The following MCC variants were observed in gnomAD, a reference collection of about 807,000 sequenced individuals.
MCC encodes the protein MCC regulator of Wnt signaling pathway.
Under a neutral mutation model 116.2 loss-of-function variants are expected in MCC, and 90 were observed. That is an observed-to-expected ratio of 0.77 (90% confidence interval 0.65 to 0.92). MCC has a LOEUF of 0.92. Ranked by LOEUF, MCC falls within the 40% of genes least tolerant of loss-of-function variation. The pLI is 0.00. For missense variants in MCC, 1,516 were observed against 1,312.2 expected, an observed-to-expected ratio of 1.16 and a Z score of -2.40; for synonymous variants, 578 against 510.5, an observed-to-expected ratio of 1.13 and a Z score of -1.78.
intron 8 of MCC, among the ~76,000 whole-genome samples, chr5:113,097,438 A>C (rs10063834): frequency 0.46 from 69,219 of 151,948 alleles, 17,315 homozygotes; most frequent in African/African-American, 0.68. Flanking sequence ...ACATATTACC[A>C]TTATGATGTT....
chr5:113,070,092 C>G (rs6861166), intron 12 of MCC, among the ~76,000 whole-genome samples: 51,816 of 152,064 alleles, frequency 0.34, 8,836 homozygotes, highest in Middle Eastern at 0.39. Context: ...CCAGCTTCAA[C>G]GGTTATCACA....
chr5:113,182,149 T>C (rs1368050464), intron 3 of MCC, among the ~76,000 whole-genome samples: 1 of 152,196 alleles, frequency 6.6e-6, no homozygotes, highest in Admixed American at 6.5e-5. Flanking sequence ...TTAAGGGTGA[T>C]TTCACCCCCA....
intron 1 of MCC, among the ~76,000 whole-genome samples, chr5:113,487,368 G>A (rs903790211): frequency 6.6e-6 from 1 of 152,178 alleles, no homozygotes; most frequent in African/African-American, 2.4e-5. Context: ...TCAATGGCCG[G>A]TGTCAACCAT....
intron 3 of MCC, among the ~76,000 whole-genome samples, chr5:113,253,896 G>T (rs1195651758): frequency 2.0e-5 from 3 of 152,044 alleles, no homozygotes; most frequent in Non-Finnish European, 2.9e-5. Context: ...AATGATAAAA[G>T]AATGATGAAA....
intron 14 of MCC, among the ~76,000 whole-genome samples, chr5:113,055,268 G>A (rs987876988): frequency 2.0e-5 from 3 of 152,102 alleles, no homozygotes; most frequent in East Asian, 1.9e-4. Context: ...TATACCAGGG[G>A]CCACGAGTGA....
intron 3 of MCC, among the ~76,000 whole-genome samples, chr5:113,298,557 G>C (rs1766768390): frequency 1.3e-5 from 2 of 152,174 alleles, no homozygotes; most frequent in South Asian, 4.2e-4. Context: ...ATGTTGAATA[G>C]AGAGTAGAAT....
intron 17 of MCC, among the ~76,000 whole-genome samples, chr5:113,032,159 C>T (rs548632731): frequency 6.6e-6 from 1 of 152,134 alleles, no homozygotes; most frequent in African/African-American, 2.4e-5. Context: ...GCCTGTAATC[C>T]CAGCACTTTG....
At chr5:113,423,522 G>A (rs1184111581) in intron 1 of MCC, among the ~76,000 whole-genome samples, 1 of 152,174 alleles carries the variant, frequency 6.6e-6, no homozygotes, top group African/African-American at 2.4e-5. Context: ...TGTGAATAAT[G>A]AGAATTAACT....
At chr5:113,470,317 T>C (rs1580418021) in intron 1 of MCC, among the ~76,000 whole-genome samples, 1 of 152,156 alleles carries the variant, frequency 6.6e-6, no homozygotes, top group Non-Finnish European at 1.5e-5. Context: ...CAGTGGCTGG[T>C]ACCAGTTGTT....
chr5:113,259,754 T>C (rs973447662), intron 3 of MCC, among the ~76,000 whole-genome samples: 1 of 152,088 alleles, frequency 6.6e-6, no homozygotes, highest in Non-Finnish European at 1.5e-5. Flanking sequence ...GTTATTTATA[T>C]ACTACTGCTC....
chr5:113,306,761 C>T (rs1490111445), intron 3 of MCC, among the ~76,000 whole-genome samples: 1 of 151,774 alleles, frequency 6.6e-6, no homozygotes, highest in African/African-American at 2.4e-5. Context: ...ATTGCTTATG[C>T]TTTTGGTGCC....
chr5:113,414,144 T>C (rs1303483346), intron 1 of MCC, among the ~76,000 whole-genome samples: 4 of 152,234 alleles, frequency 2.6e-5, no homozygotes, highest in Non-Finnish European at 4.4e-5. Flanking sequence ...AGACAGTTTG[T>C]TGTGATTTCT....
Position 113,146,456 on chromosome 5 carries a change from C to T in MCC, c.742-3096G>A, listed in dbSNP as rs145601875. Among the ~76,000 whole-genome samples the T allele has an allele frequency of 6.4e-3, 964 of 151,376 alleles. 4 individuals are homozygous for T. Among genetic ancestry groups the T allele is most frequent in the Non-Finnish European group, 0.01 (680 of 67,884 alleles). Reference sequence around the variant, plus strand: ...TCTTGGCTGGTGCCTTGGTCTCAGACCCTGAAACGCCTCTGTGAACTCTAG... The same window carrying T: ...TCTTGGCTGGTGCCTTGGTCTCAGATCCTGAAACGCCTCTGTGAACTCTAG... On this transcript the variant is annotated intron_variant, in intron 4 of 18. Transcript: ENST00000408903.
chr5:113,176,350 A>G (rs766712590), intron 3 of MCC, among the ~76,000 whole-genome samples: 36 of 152,264 alleles, frequency 2.4e-4, no homozygotes, highest in Non-Finnish European at 4.6e-4. Flanking sequence ...TGAGTACAAC[A>G]GCTAGTAAAC....
At chr5:113,239,748 A>G (rs1764291943) in intron 3 of MCC, among the ~76,000 whole-genome samples, 2 of 152,036 alleles carry the variant, frequency 1.3e-5, no homozygotes, top group African/African-American at 4.8e-5. Flanking sequence ...TGGTATATAC[A>G]CTCACTTTTA....
chr5:113,081,635 C>T (rs1754863825), intron 11 of MCC, among the ~76,000 whole-genome samples: 1 of 152,146 alleles, frequency 6.6e-6, no homozygotes, highest in African/African-American at 2.4e-5. Flanking sequence ...ATATCTGATT[C>T]AATTTTTAAG....
chr5:113,169,782 T>G (rs562643106), intron 3 of MCC, among the ~76,000 whole-genome samples: 1 of 152,138 alleles, frequency 6.6e-6, no homozygotes, highest in Non-Finnish European at 1.5e-5. Flanking sequence ...TCTGTGTGAG[T>G]GTTTGTAGTC....
At chr5:113,238,590 T>A (rs1324337184) in intron 3 of MCC, among the ~76,000 whole-genome samples, 1 of 152,232 alleles carries the variant, frequency 6.6e-6, no homozygotes, top group Non-Finnish European at 1.5e-5. Flanking sequence ...ATTGGTTGTA[T>A]ACAATTCAAA....
In MCC at chr5:113,043,549, A is replaced by G; in HGVS notation, c.2737T>C (p.Phe913Leu). Residue 913 changes from phenylalanine (F) to leucine (L), a missense_variant, in exon 17 of 19, where the codon TTC becomes CTC. Phe to Leu is a conservative substitution (Grantham distance 22, BLOSUM62 0). Transcript: ENST00000408903. ...GCTTACCGACGAATGGCGTTGGTGA[A>G]CTCCGCAGCCAGCTCATTCTCGCTG... is the stretch of plus-strand genomic sequence containing the variant. ...TCSENELAAEFTNAIRREKKL... is the reference protein window; with the variant it reads ...TCSENELAAELTNAIRREKKL... 5 of 1,614,058 alleles carry G rather than the reference A, an allele frequency of 3.1e-6. No individual in the cohort carries two copies. The highest frequency in any genetic ancestry group is 4.2e-6 in the Non-Finnish European group (5 of 1,179,984).
Sources: allele counts gnomAD v4.1 joint callset (sites outside exome capture counted in the v4.1 genomes callset), GRCh38; gene constraint gnomAD v4.1.1; transcripts MANE v1.5; gene names NCBI Gene and HGNC (gene_info 2026-07-23, HGNC 2026-07-21).